The following EDEM2 variants were observed in gnomAD, a reference collection of about 807,000 sequenced individuals.
The protein encoded by EDEM2 is ER degradation-enhancing alpha-mannosidase-like protein 2.
Under a neutral mutation model 64.8 loss-of-function variants are expected in EDEM2, and 39 were observed. That is an observed-to-expected ratio of 0.60 (90% CI 0.47 to 0.79). EDEM2 has a LOEUF of 0.79. Among genes scored for constraint, EDEM2 ranks in the 30% least tolerant of loss-of-function variants. The pLI is 0.00. For missense variants in EDEM2, 609 were observed against 731.3 expected (o/e 0.83, Z 1.93); for synonymous variants, 296 against 291.5 (o/e 1.02, Z -0.16).
chr20:35,121,667 G>C (rs746810741), intron 9 of EDEM2, among the ~76,000 whole-genome samples: 2 of 152,240 alleles, frequency 1.3e-5, no homozygotes, highest in African/African-American at 2.4e-5. Flanking sequence ...TGATCAGAGA[G>C]ACATATACGA....
intron 8 of EDEM2, among the ~76,000 whole-genome samples, chr20:35,125,263 A>G (rs2085416733): frequency 6.7e-6 from 1 of 149,760 alleles, no homozygotes. Flanking sequence ...TGGCATGATC[A>G]TGGCTCACTG....
At position 35,135,845 on chromosome 20, in the gene EDEM2, G is replaced by A. The variant is rs1325481376; in HGVS notation, c.491-896C>T. 7.2e-5 allele frequency among the ~76,000 whole-genome samples: 11 copies of A among 152,282 alleles called. No homozygotes were observed. The South Asian group carries it at 1.9e-3, about 26-fold the overall frequency. On this transcript the variant is annotated intron_variant, in intron 5 of 10. Transcript: ENST00000374492. ...CCTGTAAAGAAGTAATTCAGCCACA[G>A]GTCACACAGAGAGAGTCAAACAGAG...
At chr20:35,145,344 T>G (rs555352336) in intron 2 of EDEM2, among the ~76,000 whole-genome samples, 2 of 152,324 alleles carry the variant, frequency 1.3e-5, no homozygotes, top group African/African-American at 4.8e-5. Context: ...AGGAATTTAA[T>G]TCACAGTGAA....
At position 35,134,470 on chromosome 20, in the gene EDEM2, C is replaced by T. The variant is rs138201007; in HGVS notation, c.702+268G>A. Among the ~76,000 whole-genome samples, 1,101 of 152,266 alleles carry T rather than the reference C, an allele frequency of 7.2e-3. 5 individuals are homozygous for T. Among genetic ancestry groups the T allele is most frequent in the African/African-American group, 0.025 (1,041 of 41,562 alleles). ...AAGTGAGTCAGGGGCATGAAACATACGACCCTCTTCCTAGAAATCAGAGAA... is the reference window on the plus strand; with the variant it reads ...AAGTGAGTCAGGGGCATGAAACATATGACCCTCTTCCTAGAAATCAGAGAA... On this transcript the variant is annotated intron_variant, in intron 6 of 10. Coordinates refer to ENST00000374492, the MANE Select transcript of EDEM2 (RefSeq NM_018217.3).
At chr20:35,116,621 G>A (rs968252807) in intron 10 of EDEM2, among the ~76,000 whole-genome samples, 11 of 152,046 alleles carry the variant, frequency 7.2e-5, no homozygotes, top group African/African-American at 2.7e-4. Flanking sequence ...AAAGGTCTCC[G>A]CTAACCTTGC....
rs900252650 is a variant in EDEM2 at position 35,131,630 on chromosome 20, T to A, written c.844+12A>T. ...AATGAGGGGAAAAGCTCCCTTACTC[T>A]GCCATTTTTACCTAGGAACATGGCC... On this transcript the variant is annotated intron_variant, in intron 7 of 10. Transcript: ENST00000374492. 6.2e-7 allele frequency: 1 copy of A among 1,611,368 alleles called. No individual in the cohort carries two copies. Among genetic ancestry groups the A allele is most frequent in the Non-Finnish European group, 8.5e-7 (1 of 1,178,414 alleles).
Position 35,126,319 on chromosome 20 carries a change from G to C in EDEM2, c.901C>G (p.Gln301Glu). The C allele has an allele frequency of 6.2e-7, 1 of 1,614,072 alleles. No individual in the cohort carries two copies. The highest frequency in any genetic ancestry group is 8.5e-7 in the Non-Finnish European group (1 of 1,180,026). Residue 301 changes from glutamine (Q) to glutamate (E), a missense_variant, in exon 8 of 11, where the codon CAG becomes GAG. Gln to Glu is a conservative substitution (Grantham distance 29). Transcript: ENST00000374492. ...TRFDDWYLWV[Q>E]MYKGTVSMPV... ...ATGGACACAGTCCCCTTGTACATCT[G>C]AACCCACAGGTACCAGTCATCGAAG...
At chr20:35,117,052 A>C (rs2085317527) in intron 10 of EDEM2, 1 of 152,174 alleles carries the variant, frequency 6.6e-6, no homozygotes, top group Non-Finnish European at 1.5e-5. Context: ...TGGCCTCCCA[A>C]AGTGCCGGGA....
At position 35,144,947 on chromosome 20, in the gene EDEM2, TGGAAA is replaced by T. The variant is rs754175295; in HGVS notation, c.258+27_258+31del. The T allele has an allele frequency of 1.8e-5, 29 of 1,611,846 alleles. No homozygotes were observed. In the Admixed American group the frequency reaches 4.5e-4, roughly 25 times the overall value. ...AGGAAGGATGTTGGTTATGTAACAG[TGGAAA>T]GGAAAAGAAACAGACGAGATACTTA... On this transcript the variant is annotated intron_variant, in intron 3 of 10. Transcript: ENST00000374492.
chr20:35,131,046 G>T (rs188293012), intron 7 of EDEM2, among the ~76,000 whole-genome samples: 1 of 152,246 alleles, frequency 6.6e-6, no homozygotes, highest in Non-Finnish European at 1.5e-5. Context: ...GGCTTTGAAG[G>T]GTGAAAAGAA....
At chr20:35,144,265 T>A (rs1258509928) in intron 3 of EDEM2, among the ~76,000 whole-genome samples, 1 of 152,112 alleles carries the variant, frequency 6.6e-6, no homozygotes, top group Non-Finnish European at 1.5e-5. Flanking sequence ...CTCAAGAAGT[T>A]GTTAGAAGAA....
intron 10 of EDEM2, among the ~76,000 whole-genome samples, chr20:35,116,855 T>C (rs1463524178): frequency 6.6e-6 from 1 of 152,058 alleles, no homozygotes; most frequent in Non-Finnish European, 1.5e-5. Context: ...AATGGCATGG[T>C]CTCGGCTCAC....
Position 35,137,944 on chromosome 20 carries a change from A to G in EDEM2, c.426T>C (p.Ala142=), listed in dbSNP as rs2085600598. 1 of 1,614,064 alleles carries G rather than the reference A, an allele frequency of 6.2e-7. No individual in the cohort carries two copies. Among genetic ancestry groups the G allele is most frequent in the African/African-American group, 1.3e-5 (1 of 74,934 alleles). The change falls in exon 5 of 11, where the codon GCT becomes GCC. Residue 142 remains alanine (A), a synonymous_variant. Transcript: ENST00000374492. The part of the protein sequence containing the change: ...LSKKAGVEVE[A]GWPCSGPLLR... ...GGAGAGGCCCGGAACAGGGCCATCC[A>G]GCCTCTACTTCCACCCCAGCCTTCT...
chr20:35,143,220 G>A (rs1386753603), intron 3 of EDEM2, among the ~76,000 whole-genome samples: 1 of 152,164 alleles, frequency 6.6e-6, no homozygotes, highest in Non-Finnish European at 1.5e-5. Flanking sequence ...CTCCTTTGCT[G>A]CTGCAGTTGA....
At chr20:35,133,257 A>G (rs1391583318) in intron 6 of EDEM2, among the ~76,000 whole-genome samples, 2 of 152,052 alleles carry the variant, frequency 1.3e-5, no homozygotes, top group African/African-American at 4.8e-5. Context: ...CCCTCAGCCA[A>G]AGGCAAGCAG....
chr20:35,141,479 C>T (rs1229792309), intron 4 of EDEM2, among the ~76,000 whole-genome samples: 8 of 152,284 alleles, frequency 5.3e-5, no homozygotes, highest in East Asian at 3.9e-4. Flanking sequence ...AAACTCAGGC[C>T]GGATTCCTAA....
intron 10 of EDEM2, chr20:35,117,108 A>C (rs2085318413): frequency 6.6e-6 from 1 of 152,180 alleles, no homozygotes; most frequent in Non-Finnish European, 1.5e-5. Flanking sequence ...AAGTTTTTGT[A>C]AGCAACTAAT....
chr20:35,146,688 G>C (rs2085737038), intron 2 of EDEM2, 137 bp downstream of exon 2: 6 of 914,946 alleles, frequency 6.6e-6, no homozygotes, highest in East Asian at 5.3e-5. Flanking sequence ...AAGAATTGCG[G>C]GGAGCGCGGC....
Position 35,146,814 on chromosome 20 carries a change from G to A in EDEM2, c.218+11C>T. 6.2e-7 allele frequency: 1 copy of A among 1,612,986 alleles called. No homozygotes were observed. The highest frequency in any genetic ancestry group is 8.5e-7 in the Non-Finnish European group (1 of 1,179,596). On this transcript the variant is annotated intron_variant, in intron 2 of 10. Coordinates refer to ENST00000374492, the MANE Select transcript of EDEM2 (RefSeq NM_018217.3). ...GACCCTGGCCGCCCCTTGCCCCTCC[G>A]CTCGCACTACCTGCCCCAGGTGTCG...
Sources: gnomAD v4.1 joint callset for allele counts (sites outside exome capture counted in the v4.1 genomes callset) on GRCh38, gnomAD v4.1.1 for gene constraint, MANE v1.5 for transcripts, NCBI Gene and HGNC (gene_info 2026-07-23, HGNC 2026-07-21) for gene names.